FSTL1: variants seen among roughly 807,000 people sequenced by gnomAD.
The protein encoded by FSTL1 is follistatin like 1, also known as follistatin-related protein 1.
FSTL1 carries 24 observed loss-of-function variants against 45.9 expected under a neutral mutation model. That is an observed-to-expected ratio of 0.52 (90% CI 0.38 to 0.74). The LOEUF (loss-of-function observed/expected upper bound fraction) is 0.74, where lower values mean the gene tolerates loss of function less well. Ranked by LOEUF, FSTL1 falls within the 30% of genes least tolerant of loss-of-function variation. FSTL1 has a pLI of 0.00. For synonymous variants in FSTL1, 120 were observed against 137.6 expected (o/e 0.87, Z 0.89); for missense variants, 340 against 381.8 (o/e 0.89, Z 0.91).
intron 10 of FSTL1, among the ~76,000 whole-genome samples, chr3:120,399,152 C>T (rs144044834): frequency 7.8e-4 from 119 of 152,244 alleles, no homozygotes; most frequent in South Asian, 7.5e-3. Context: ...ATTCGGTCTA[C>T]GGACAGGTAA....
intron 2 of FSTL1, among the ~76,000 whole-genome samples, chr3:120,432,984 C>T (rs2107667257): frequency 6.6e-6 from 1 of 152,250 alleles, no homozygotes; most frequent in African/African-American, 2.4e-5. Context: ...ATCACAGTTG[C>T]CATTCAAATG....
Position 120,403,937 on chromosome 3 carries a change from A to C in FSTL1, c.582-583T>G, listed in dbSNP as rs1446537311. On this transcript the variant is annotated intron_variant, in intron 7 of 10. Transcript: ENST00000295633. ...CTCCGTCTCAAAAAAAAAAAAAAAA[A>C]AAAAAAACAAAAACAAAACAAAACA... Among the ~76,000 whole-genome samples, 886 of 130,434 alleles carry C rather than the reference A, an allele frequency of 6.8e-3. 16 individuals carry two copies. The highest frequency in any genetic ancestry group is 0.01 in the Non-Finnish European group (599 of 59,600). 85.6% of individuals were successfully genotyped at this position (130,434 alleles called of 152,430 possible). A position where few individuals can be genotyped will look rare whatever the true frequency, so the allele number is the denominator to read the frequency against.
At chr3:120,412,838 GCACACACACACACA>G (rs71156798) in intron 3 of FSTL1, among the ~76,000 whole-genome samples, 12 of 106,188 alleles carry the variant, frequency 1.1e-4, no homozygotes, top group East Asian at 3.0e-4. Context: ...GCGCGCGCGC[GCACACACACACACA>G]CACACACACA....
At chr3:120,430,359 C>A (rs1282068606) in intron 2 of FSTL1, among the ~76,000 whole-genome samples, 2 of 152,170 alleles carry the variant, frequency 1.3e-5, no homozygotes, top group Non-Finnish European at 2.9e-5. Flanking sequence ...TAATTTATTG[C>A]ACCTATTACT....
At position 120,394,982 on chromosome 3, in the gene FSTL1, G is replaced by A. The variant is rs938181899; in HGVS notation, c.*1970C>T. 2.4e-4 allele frequency: 37 copies of A among 152,530 alleles called. No homozygotes were observed. Among genetic ancestry groups the A allele is most frequent in the African/African-American group, 8.4e-4 (35 of 41,546 alleles). The allele number at this position is 152,530 out of a possible 1,614,324, so 9.4% of individuals were successfully genotyped here. A position where few individuals can be genotyped will look rare whatever the true frequency, so the allele number is the denominator to read the frequency against. Reference sequence around the variant, plus strand: ...TTGCCCTCCTCCCATAGTGTCCAAGGGCTGGTAAAACCTTTGATTAAGGCG... The same window carrying A: ...TTGCCCTCCTCCCATAGTGTCCAAGAGCTGGTAAAACCTTTGATTAAGGCG... On this transcript the variant is annotated 3_prime_UTR_variant, in exon 11 of 11. Coordinates refer to ENST00000295633, the MANE Select transcript of FSTL1 (RefSeq NM_007085.5).
At chr3:120,444,591 C>T (rs1937697653) in intron 2 of FSTL1, among the ~76,000 whole-genome samples, 2 of 149,558 alleles carry the variant, frequency 1.3e-5, no homozygotes, top group South Asian at 2.1e-4. Flanking sequence ...TCTTGTGATC[C>T]CCTCCTTTTT....
At chr3:120,427,305 A>AT (rs1937399439) in intron 2 of FSTL1, among the ~76,000 whole-genome samples, 1 of 152,030 alleles carries the variant, frequency 6.6e-6, no homozygotes, top group Non-Finnish European at 1.5e-5. Context: ...TTGATCATTT[A>AT]TTTTTTTAAA....
At position 120,395,843 on chromosome 3, in the gene FSTL1, A is replaced by C. The variant is rs763113852; in HGVS notation, c.*1109T>G. On this transcript the variant is annotated 3_prime_UTR_variant, in exon 11 of 11. Transcript: ENST00000295633. ...AGAGACAGGGCCAACTCACCCTCCT[A>C]GTTAGTCGAATGAGCATATTGGTAG... is the stretch of plus-strand genomic sequence containing the variant. 1.5e-4 allele frequency: 64 copies of C among 415,614 alleles called. No homozygotes were observed. Among genetic ancestry groups the C allele is most frequent in the Non-Finnish European group, 2.4e-4 (50 of 210,440 alleles). The allele number at this position is 415,614 out of a possible 1,614,324, so 25.7% of individuals were successfully genotyped here. A position where few individuals can be genotyped will look rare whatever the true frequency, so the allele number is the denominator to read the frequency against.
intron 2 of FSTL1, among the ~76,000 whole-genome samples, chr3:120,445,953 G>T (rs575982135): frequency 6.7e-6 from 1 of 150,092 alleles, no homozygotes; most frequent in South Asian, 2.1e-4. Flanking sequence ...AAAATCGCAG[G>T]AGTCAGAATA....
chr3:120,450,323 C>T (rs994891896), intron 2 of FSTL1, among the ~76,000 whole-genome samples: 2 of 152,102 alleles, frequency 1.3e-5, no homozygotes, highest in Non-Finnish European at 2.9e-5. Context: ...GGAAAAGTCC[C>T]CAACTACTCT....
chr3:120,411,966 C>T lies in FSTL1; in HGVS notation c.186G>A (p.Lys62=). 1 of 1,613,382 alleles carries T rather than the reference C, an allele frequency of 6.2e-7. No individual in the cohort carries two copies. The highest frequency in any genetic ancestry group is 8.5e-7 in the Non-Finnish European group (1 of 1,179,346). The stretch of plus-strand genomic sequence containing the variant: ...TGCCATTACTGCCACACACAGGCCT[C>T]TTGTGAGGTTTGCATTGCTGAAACA... The part of the protein sequence containing the change: ...CLCIEQCKPH[K]RPVCGSNGKT... The change falls in exon 4 of 11, where the codon AAG becomes AAA. Residue 62 remains lysine (K), a synonymous_variant. Transcript: ENST00000295633.
chr3:120,400,326 G>A (rs1413489407), intron 9 of FSTL1, among the ~76,000 whole-genome samples: 1 of 152,188 alleles, frequency 6.6e-6, no homozygotes, highest in Non-Finnish European at 1.5e-5. Flanking sequence ...AAATGTCCTG[G>A]AGAACATTTG....
rs1283729269 is a variant in FSTL1, at chr3:120,443,496, C to T, written c.63+7188G>A. 2.0e-5 allele frequency among the ~76,000 whole-genome samples: 3 copies of T among 149,788 alleles called. 1 individual carries two copies. The highest frequency in any genetic ancestry group is 7.7e-5 in the African/African-American group (3 of 39,148). ...TGTCATTGAAGGATAAGAGGAAAGA[C>T]AGGGGAAAAGACAAATTTTGCCTCA... On this transcript the variant is annotated intron_variant, in intron 2 of 10. Coordinates refer to ENST00000295633, the MANE Select transcript of FSTL1 (RefSeq NM_007085.5).
chr3:120,449,268 T>A (rs1009078868), intron 2 of FSTL1, among the ~76,000 whole-genome samples: 3 of 152,194 alleles, frequency 2.0e-5, no homozygotes, highest in Admixed American at 2.0e-4. Context: ...TAATAAAACC[T>A]ACATTACAGG....
intron 2 of FSTL1, chr3:120,441,462 G>A (rs1226276919): frequency 6.6e-6 from 1 of 152,206 alleles, no homozygotes; most frequent in Non-Finnish European, 1.5e-5. Context: ...AAGTTTAAGG[G>A]CAAGATTAGC....
In FSTL1 at chr3:120,437,574, G is replaced by A. The variant is rs527838004; in HGVS notation, c.63+13110C>T. 7.9e-5 allele frequency among the ~76,000 whole-genome samples: 12 copies of A among 152,232 alleles called. No homozygotes were observed. The South Asian group carries it at 2.5e-3, about 32-fold the overall frequency. Reference sequence around the variant, plus strand: ...AATTTAAGTCAGTGTCTATTTGTGTGTGTGTGTGCATGTCTCCTTGTGTAT... The same window carrying A: ...AATTTAAGTCAGTGTCTATTTGTGTATGTGTGTGCATGTCTCCTTGTGTAT... On this transcript the variant is annotated intron_variant, in intron 2 of 10. Coordinates refer to ENST00000295633, the MANE Select transcript of FSTL1 (RefSeq NM_007085.5).
intron 6 of FSTL1, among the ~76,000 whole-genome samples, chr3:120,405,988 A>C (rs980408086): frequency 5.9e-5 from 9 of 152,138 alleles, no homozygotes; most frequent in Admixed American, 3.9e-4. Flanking sequence ...GGCTCCCCAG[A>C]TGGTGCAAGG....
In FSTL1 at chr3:120,395,654, CTAG is replaced by C. The variant is rs1176705684; in HGVS notation, c.*1295_*1297del. 4 of 534,000 alleles carry C rather than the reference CTAG, an allele frequency of 7.5e-6. No individual in the cohort carries two copies. The East Asian group carries it at 2.2e-4, about 29-fold the overall frequency. 33.1% of individuals were successfully genotyped at this position (534,000 alleles called of 1,614,324 possible). ...TTTTGGCCATCTGACATTTCTTGTT[CTAG>C]TAACAAGATTTCATTTATTCTATAG... On this transcript the variant is annotated 3_prime_UTR_variant, in exon 11 of 11. Transcript: ENST00000295633.
intron 2 of FSTL1, among the ~76,000 whole-genome samples, chr3:120,426,294 G>A (rs1445579195): frequency 6.6e-6 from 1 of 152,088 alleles, no homozygotes; most frequent in Non-Finnish European, 1.5e-5. Flanking sequence ...CCACATCTGG[G>A]CCAACATCCC....
Sources: allele counts gnomAD v4.1 joint callset (sites outside exome capture counted in the v4.1 genomes callset), GRCh38; gene constraint gnomAD v4.1.1; transcripts MANE v1.5; gene names NCBI Gene and HGNC (gene_info 2026-07-23, HGNC 2026-07-21).